The following AZIN2 variants were observed in gnomAD, a reference collection of about 807,000 sequenced individuals.
AZIN2 encodes antizyme inhibitor 2.
In AZIN2, 28 loss-of-function variants were observed where a neutral mutation model predicts 47.8. That is an observed-to-expected ratio of 0.59 (90% CI 0.43 to 0.80). The LOEUF is 0.80. Among genes scored for constraint, AZIN2 ranks in the 30% least tolerant of loss-of-function variants. The pLI is 0.00. For synonymous variants in AZIN2, 221 were observed against 239.4 expected (o/e 0.92, Z 0.71); for missense variants, 535 against 582.5 (o/e 0.92, Z 0.84).
At chr1:33,114,920 G>T (rs1456864666) in intron 10 of AZIN2, among the ~76,000 whole-genome samples, 2 of 152,216 alleles carry the variant, frequency 1.3e-5, no homozygotes, top group African/African-American at 2.4e-5. Flanking sequence ...TGGGATTACA[G>T]GCGTGAGCCA....
At chr1:33,116,971 A>T (rs1341978139) in intron 10 of AZIN2, among the ~76,000 whole-genome samples, 2 of 152,080 alleles carry the variant, frequency 1.3e-5, no homozygotes, top group Admixed American at 6.6e-5. Context: ...TTCAGTGGTG[A>T]CTCTAGGATC....
chr1:33,165,907 A>C, the AZIN2 span: 1 of 185,336 alleles, frequency 5.4e-6, no homozygotes, highest in Non-Finnish European at 1.1e-5. This position sits in a 1 kb window ranked among gnomAD's most constrained non-coding sequence, Gnocchi z 4.0. Flanking sequence ...TCCAACCCCC[A>C]GGCCACAGGT....
At chr1:33,101,731 T>TC in intron 10 of AZIN2, 1 of 650,964 alleles carries the variant, frequency 1.5e-6, no homozygotes, top group Non-Finnish European at 2.8e-6. Context: ...CTAAATCTAT[T>TC]CCTCGAGTGT....
rs369261062 is a variant in AZIN2, at chr1:33,092,071, C to A, written c.301C>A (p.His101Asn). ...ATAGGCAGAGATGGAGTTGGTCCAGCATATTGGAATCCCTGCCAGTAAGAT... is the reference window on the plus strand; with the variant it reads ...ATAGGCAGAGATGGAGTTGGTCCAGAATATTGGAATCCCTGCCAGTAAGAT... ...ANKAEMELVQ[H>N]IGIPASKIIC... is the part of the protein sequence containing the mutation. The change falls in exon 6 of 12, where the codon CAT becomes AAT. Residue 101 changes from histidine (H) to asparagine (N), a missense_variant. Transcript: ENST00000294517. 2 of 1,613,912 alleles carry A rather than the reference C, an allele frequency of 1.2e-6. No individual in the cohort carries two copies. The highest frequency in any genetic ancestry group is 1.7e-6 in the Non-Finnish European group (2 of 1,179,946).
the AZIN2 span, among the ~76,000 whole-genome samples, chr1:33,158,904 G>A: frequency 2.6e-5 from 4 of 151,568 alleles, no homozygotes; most frequent in Admixed American, 1.3e-4. Flanking sequence ...GCAATGGCGC[G>A]ATCTCAGCTC....
At position 33,083,593 on chromosome 1, in the gene AZIN2, A is replaced by G. The variant is rs1475733764; in HGVS notation, c.106-361A>G. The G allele has an allele frequency of 2.0e-5, 7 of 342,652 alleles. No individual in the cohort carries two copies. In the East Asian group the frequency reaches 4.8e-4, roughly 24 times the overall value. 21.2% of individuals were successfully genotyped at this position (342,652 alleles called of 1,614,324 possible). A position where few individuals can be genotyped will look rare whatever the true frequency, so the allele number is the denominator to read the frequency against. ...GAGCATTTAAAAGCAGAGTTGCCTT[A>G]TTGGTTTGGGGAAGGTGGCATTTGA... On this transcript the variant is annotated intron_variant, in intron 4 of 11. Transcript: ENST00000294517.
rs1263334090 is a variant in AZIN2 at position 33,120,211 on chromosome 1, A to C, written c.*29A>C. 1.3e-6 allele frequency: 2 copies of C among 1,577,414 alleles called. No homozygotes were observed. The highest frequency in any genetic ancestry group is 3.4e-5 in the Admixed American group (2 of 58,308). On this transcript the variant is annotated 3_prime_UTR_variant, in exon 12 of 12. Transcript: ENST00000294517. ...GGCCTCGTTCCCCCCGGAGAATCCC[A>C]GCGGGGCCTCAGAGATGCATCTGGG...
rs138423647 is a variant in AZIN2 at position 33,097,852 on chromosome 1, C to A, written c.917-215C>A. 3.0e-3 allele frequency among the ~76,000 whole-genome samples: 461 copies of A among 152,242 alleles called. 11 individuals are homozygous for A. Among genetic ancestry groups the A allele is most frequent in the Non-Finnish European group, 5.1e-4 (35 of 68,024 alleles). On this transcript the variant is annotated intron_variant, in intron 9 of 11. Coordinates refer to ENST00000294517, the MANE Select transcript of AZIN2 (RefSeq NM_052998.4). ...TGCAAGCAGGGGAGTGCATCCTGGG[C>A]AGGTTGCTTGGCTGCAGGGGTGAGT...
At chr1:33,101,521 G>T (rs1643695314) in intron 10 of AZIN2, among the ~76,000 whole-genome samples, 1 of 147,228 alleles carries the variant, frequency 6.8e-6, no homozygotes. Context: ...TTTGAAATTA[G>T]GTAGATTTAG....
chr1:33,089,944 G>A (rs368449284), intron 5 of AZIN2, among the ~76,000 whole-genome samples: 25 of 152,108 alleles, frequency 1.6e-4, no homozygotes, highest in East Asian at 3.9e-4. Context: ...TCGAAAGTTC[G>A]TTCTGCCACC....
the AZIN2 span, among the ~76,000 whole-genome samples, chr1:33,148,162 A>C: frequency 1.2e-4 from 18 of 152,308 alleles, no homozygotes; most frequent in African/African-American, 3.6e-4. Flanking sequence ...GCTGGGATCC[A>C]GGGATGCTAA....
At chr1:33,093,186 C>T (rs1642761889) in intron 6 of AZIN2, 96 bp from the exon 7 acceptor site, 2 of 1,550,154 alleles carry the variant, frequency 1.3e-6, no homozygotes, top group Non-Finnish European at 1.8e-6. Flanking sequence ...GGTTGGGTGG[C>T]TCTGAGCCAT....
chr1:33,141,225 CCG>C, the AZIN2 span, among the ~76,000 whole-genome samples: 1 of 151,884 alleles, frequency 6.6e-6, no homozygotes, highest in Non-Finnish European at 1.5e-5. Context: ...TCTTGTACCC[CCG>C]CAGACCTTCT....
At chr1:33,151,395 C>A in the AZIN2 span, among the ~76,000 whole-genome samples, 1 of 152,112 alleles carries the variant, frequency 6.6e-6, no homozygotes, top group East Asian at 1.9e-4. Flanking sequence ...GGCACCCTGG[C>A]TGAAGCCACC....
downstream of AZIN2, among the ~76,000 whole-genome samples, chr1:33,128,271 G>T (rs1051458837): frequency 6.6e-6 from 1 of 151,938 alleles, no homozygotes; most frequent in African/African-American, 2.4e-5. Context: ...CTACTCTGGA[G>T]GCTGAGGTGG....
At chr1:33,083,821 C>T (rs1244520079) in intron 4 of AZIN2, 133 bp from the exon 5 acceptor site, 3 of 1,069,792 alleles carry the variant, frequency 2.8e-6, no homozygotes, top group Admixed American at 2.0e-5. Flanking sequence ...TTGGGGAGGC[C>T]CAGAAAACTT....
chr1:33,110,118 AAACTT>A (rs1321286743), intron 10 of AZIN2, among the ~76,000 whole-genome samples: 1 of 152,230 alleles, frequency 6.6e-6, no homozygotes, highest in African/African-American at 2.4e-5. Context: ...GGCAGCAAGA[AAACTT>A]CACTGTTTTG....
In AZIN2 at chr1:33,082,435, C is replaced by T. The variant is rs1641385292; in HGVS notation, c.105+81C>T. ...CCTCAGGAAGGGTCCCTAGGGCCCT[C>T]ATCTTATCCTTTCGCTTATTTGGTA... On this transcript the variant is annotated intron_variant, in intron 4 of 11. Transcript: ENST00000294517. The T allele has an allele frequency of 8.6e-6, 8 of 934,902 alleles. No homozygotes were observed. In the South Asian group the frequency reaches 1.3e-4, roughly 15 times the overall value. The allele number at this position is 934,902 out of a possible 1,614,324, so 57.9% of individuals were successfully genotyped here.
rs757547727 is a variant in AZIN2 at position 33,094,653 on chromosome 1, C to A, written c.693C>A (p.His231Gln). ...EMGTELGHKM[H>Q]VLDLGGGFPG... ...GCACCGAGCTGGGTCACAAGATGCA[C>A]GTTCTGGACCTTGGTGGTGGCTTCC... Residue 231 changes from histidine to glutamine, a missense_variant, in exon 8 of 12, where the codon CAC becomes CAA. His to Gln is a conservative substitution (Grantham distance 24). Coordinates refer to ENST00000294517, the MANE Select transcript of AZIN2 (RefSeq NM_052998.4). 2 of 1,614,032 alleles carry A rather than the reference C, an allele frequency of 1.2e-6. No individual in the cohort carries two copies. Among genetic ancestry groups the A allele is most frequent in the Non-Finnish European group, 1.7e-6 (2 of 1,180,038 alleles).
Sources: gnomAD v4.1 joint callset for allele counts (sites outside exome capture counted in the v4.1 genomes callset) on GRCh38, gnomAD v4.1.1 for gene constraint, Gnocchi (gnomAD v3.1) non-coding constraint, MANE v1.5 for transcripts, NCBI Gene and HGNC (gene_info 2026-07-23, HGNC 2026-07-21) for gene names.